The following DGLUCY variants were observed in gnomAD, a reference collection of about 807,000 sequenced individuals.
DGLUCY encodes D-glutamate cyclase.
A neutral mutation model predicts 58.5 loss-of-function variants in DGLUCY; 58 were observed. The ratio of observed to expected loss-of-function variants is 0.99; its 90% CI spans 0.80 to 1.23. The LOEUF (loss-of-function observed/expected upper bound fraction) is 1.23, where lower values mean the gene tolerates loss of function less well. DGLUCY is among the 50% of genes most tolerant of loss of function. The pLI, the probability that DGLUCY is intolerant of heterozygous loss-of-function variation, is 0.00. For missense variants in DGLUCY, 779 were observed against 784.7 expected (o/e 0.99, Z 0.09); for synonymous variants, 325 against 314.1 (o/e 1.03, Z -0.37).
rs754963738 is a variant in DGLUCY, at chr14:91,188,838, A to AATAC, written c.935-54_935-51dup. The AATAC allele has an allele frequency of 1.0e-4, 153 of 1,459,590 alleles. 1 individual carries two copies. The highest frequency in any genetic ancestry group is 5.5e-4 in the South Asian group (41 of 74,308). The allele number at this position is 1,459,590 out of a possible 1,614,324, so 90.4% of individuals were successfully genotyped here. The stretch of plus-strand genomic sequence containing the variant: ...AGCAAAACCCTATCATAAGTAAATA[A>AATAC]ATACATACATACATACATACAAATA... On this transcript the variant is annotated intron_variant, in intron 8 of 13. Transcript: ENST00000256324.
rs1018825238 is a variant in DGLUCY, at chr14:91,224,777, A to G, written c.1810A>G (p.Asn604Asp). 1.2e-6 allele frequency: 2 copies of G among 1,613,622 alleles called. No individual in the cohort carries two copies. The highest frequency in any genetic ancestry group is 1.7e-5 in the Admixed American group (1 of 59,986). The change falls in exon 14 of 14, where the codon AAC (asparagine) becomes GAC (aspartate). Residue 604 changes from asparagine (N) to aspartate (D), a missense_variant. Transcript: ENST00000256324. ...GMEVDGLPFH[N>D]THAEMIQKLV... ...GGAGGTGGATGGGCTGCCCTTCCAC[A>G]ACACCCACGCCGAGATGATCCAGAA...
At chr14:91,167,147 A>C (rs2048328076) in intron 3 of DGLUCY, 78 bp from the exon 4 acceptor site, 1 of 1,497,252 alleles carries the variant, frequency 6.7e-7, no homozygotes, top group Admixed American at 2.3e-5. Context: ...CTCAAAAAAA[A>C]AAAAAAGAAA....
chr14:91,159,846 G>A (rs999018774), intron 2 of DGLUCY, among the ~76,000 whole-genome samples: 6 of 152,194 alleles, frequency 3.9e-5, no homozygotes, highest in African/African-American at 1.2e-4. Flanking sequence ...TGTGATGGGT[G>A]CTCTGGAGCC....
chr14:91,128,190 C>G (rs1456250575), intron 1 of DGLUCY, among the ~76,000 whole-genome samples: 2 of 151,634 alleles, frequency 1.3e-5, no homozygotes, highest in African/African-American at 4.8e-5. Context: ...AAGAAAGATC[C>G]AGGCCGGTAC....
At chr14:91,189,805 G>GCATTCAAAA (rs2049757857) in intron 9 of DGLUCY, 1 of 153,854 alleles carries the variant, frequency 6.5e-6, no homozygotes, top group African/African-American at 2.4e-5. Flanking sequence ...GCATTCTTCA[G>GCATTCAAAA]AGGTATGTTT....
At chr14:91,127,781 C>A (rs2045792727) in intron 1 of DGLUCY, among the ~76,000 whole-genome samples, 3 of 152,204 alleles carry the variant, frequency 2.0e-5, no homozygotes, top group African/African-American at 7.2e-5. Flanking sequence ...GAATTACTTG[C>A]CCCAGGCAGA....
At chr14:91,211,051 T>G (rs1403206296) in intron 12 of DGLUCY, among the ~76,000 whole-genome samples, 2 of 152,202 alleles carry the variant, frequency 1.3e-5, no homozygotes. Flanking sequence ...ATTGTATATG[T>G]CAGCAATGAA....
In DGLUCY at chr14:91,074,118, T is replaced by TAC. The variant is rs3086753; in HGVS notation, c.-82+13456_-82+13457dup. On this transcript the variant is annotated intron_variant, in intron 1 of 4. Coordinates refer to the DGLUCY transcript ENST00000521334. ...CAAAAAAAAAAAATATATATATATA[T>TAC]ACACACACACACACACACACACACA... is the stretch of plus-strand genomic sequence containing the variant. Among the ~76,000 whole-genome samples, 449 of 70,318 alleles carry TAC rather than the reference T, an allele frequency of 6.4e-3. 3 individuals carry two copies. The highest frequency in any genetic ancestry group is 0.017 in the East Asian group (45 of 2,606). 46.1% of individuals were successfully genotyped at this position (70,318 alleles called of 152,430 possible). A position where few individuals can be genotyped will look rare whatever the true frequency, so the allele number is the denominator to read the frequency against.
Position 91,189,111 on chromosome 14 carries a change from T to G in DGLUCY, c.1136T>G (p.Ile379Ser), listed in dbSNP as rs374084163. Residue 379 changes from isoleucine (I) to serine (S), a missense_variant, in exon 9 of 14, where the codon ATC becomes AGC. Coordinates refer to ENST00000256324, the MANE Select transcript of DGLUCY (RefSeq NM_001102368.3). ...LQALEKEVAI[I>S]VDQRAWNLHQ... ...GCCTTGGAGAAGGAGGTCGCCATAA[T>G]CGTTGACCAGAGAGCCTGGAACTTG... The G allele has an allele frequency of 2.5e-6, 4 of 1,614,174 alleles. No individual in the cohort carries two copies. The South Asian group carries it at 4.4e-5, about 18-fold the overall frequency.
chr14:91,129,651 GT>G (rs1452884694), intron 1 of DGLUCY, among the ~76,000 whole-genome samples: 4 of 146,148 alleles, frequency 2.7e-5, no homozygotes, highest in South Asian at 2.2e-4. Flanking sequence ...TTTGTTTTTT[GT>G]TTTTTTTTTC....
chr14:91,104,872 C>T (rs1044563990), upstream of DGLUCY, among the ~76,000 whole-genome samples: 11 of 152,188 alleles, frequency 7.2e-5, no homozygotes, highest in Admixed American at 6.5e-4. Context: ...GATCTGGCAG[C>T]CTCAGTTTTT....
At chr14:91,178,517 A>G (rs1335910706) in intron 7 of DGLUCY, among the ~76,000 whole-genome samples, 1 of 152,138 alleles carries the variant, frequency 6.6e-6, no homozygotes, top group Non-Finnish European at 1.5e-5. Context: ...AACAGACCTC[A>G]CAACTGATGG....
chr14:91,188,619 A>G (rs1195283099), intron 8 of DGLUCY, among the ~76,000 whole-genome samples: 2 of 151,998 alleles, frequency 1.3e-5, no homozygotes, highest in Non-Finnish European at 2.9e-5. Flanking sequence ...TGAGCCCGGG[A>G]GTTTGAGACC....
At chr14:91,119,547 A>T (rs1320833103) in intron 1 of DGLUCY, among the ~76,000 whole-genome samples, 1 of 151,740 alleles carries the variant, frequency 6.6e-6, no homozygotes, top group East Asian at 1.9e-4. Flanking sequence ...CTTCAAAGAG[A>T]CCTCCTGTTC....
At chr14:91,166,569 G>A (rs2048296678) in intron 3 of DGLUCY, among the ~76,000 whole-genome samples, 1 of 152,010 alleles carries the variant, frequency 6.6e-6, no homozygotes, top group Non-Finnish European at 1.5e-5. Flanking sequence ...GGAGGCTGAG[G>A]CATGAGAATC....
exon 1 of DGLUCY, chr14:91,060,650 A>C: frequency 2.9e-5 from 14 of 489,214 alleles, no homozygotes; most frequent in East Asian, 3.8e-5. Flanking sequence ...GCGCAACCAA[A>C]CCGCCCCCTG....
At position 91,206,987 on chromosome 14, in the gene DGLUCY, A is replaced by G. The variant is rs978989546; in HGVS notation, c.1564+2162A>G. Among the ~76,000 whole-genome samples the G allele has an allele frequency of 3.3e-5, 5 of 151,974 alleles. No individual in the cohort carries two copies. In the East Asian group the frequency reaches 9.7e-4, roughly 29 times the overall value. ...AGCCTGGGCAACATGGCAAGATACCATCTCTGTAAACAATTTAAAAATTAG... is the reference window on the plus strand; with the variant it reads ...AGCCTGGGCAACATGGCAAGATACCGTCTCTGTAAACAATTTAAAAATTAG... On this transcript the variant is annotated intron_variant, in intron 12 of 13. Transcript: ENST00000256324.
rs191628880 is a variant in DGLUCY at position 91,188,178 on chromosome 14, T to C, written c.935-732T>C. Among the ~76,000 whole-genome samples the C allele has an allele frequency of 2.6e-5, 4 of 152,306 alleles. No homozygotes were observed. The East Asian group carries it at 7.7e-4, about 29-fold the overall frequency. On this transcript the variant is annotated intron_variant, in intron 8 of 13. Transcript: ENST00000256324. ...GCTCCACTCAGTCACTCAGGGACCCTGCAGGTCTGCCGTTACATCCTGTGA... is the reference window on the plus strand; with the variant it reads ...GCTCCACTCAGTCACTCAGGGACCCCGCAGGTCTGCCGTTACATCCTGTGA...
At chr14:91,208,350 TC>T (rs1885098463) in intron 12 of DGLUCY, among the ~76,000 whole-genome samples, 1 of 152,200 alleles carries the variant, frequency 6.6e-6, no homozygotes, top group Non-Finnish European at 1.5e-5. Flanking sequence ...ACCTTACATA[TC>T]AGTTTGCTCA....
Sources: gnomAD v4.1 joint callset for allele counts (sites outside exome capture counted in the v4.1 genomes callset) on GRCh38, gnomAD v4.1.1 for gene constraint, MANE v1.5 for transcripts, NCBI Gene and HGNC (gene_info 2026-07-23, HGNC 2026-07-21) for gene names.